The following NOL4L variants were observed in gnomAD, a reference collection of about 807,000 sequenced individuals.
NOL4L encodes nucleolar protein 4-like.
In NOL4L, 7 loss-of-function variants were observed where a neutral mutation model predicts 64.5. That is an observed-to-expected ratio of 0.11 (90% CI 0.06 to 0.20). The LOEUF (loss-of-function observed/expected upper bound fraction) is 0.20, where lower values mean the gene tolerates loss of function less well. Ranked by LOEUF, NOL4L falls within the 10% of genes least tolerant of loss-of-function variation. NOL4L has a pLI of 1.00. For missense variants in NOL4L, 680 were observed against 967.1 expected, an observed-to-expected ratio of 0.70 and a Z score of 3.94; for synonymous variants, 413 against 401.0, an observed-to-expected ratio of 1.03 and a Z score of -0.36.
intron 9 of NOL4L, 78 bp from the exon 10 acceptor site, chr20:32,452,515 T>C: frequency 7.6e-7 from 1 of 1,316,118 alleles, no homozygotes; most frequent in South Asian, 1.5e-5. Flanking sequence ...ACAAGGTGGA[T>C]AAATGCTGCG....
intron 4 of NOL4L, among the ~76,000 whole-genome samples, chr20:32,508,877 C>T (rs561903415): frequency 6.6e-6 from 1 of 152,240 alleles, no homozygotes; most frequent in Non-Finnish European, 1.5e-5. Flanking sequence ...TGCTTTCCCC[C>T]TTTTGCTTCG....
At chr20:32,511,498 G>A in intron 3 of NOL4L, 42 bp from the exon 4 acceptor site, 1 of 1,406,236 alleles carries the variant, frequency 7.1e-7, no homozygotes, top group Non-Finnish European at 9.8e-7. Context: ...AGTCTGTGCT[G>A]CGGGCCTGTT....
chr20:32,511,199 CG>C, intron 4 of NOL4L, 147 bp downstream of exon 4: 1 of 575,818 alleles, frequency 1.7e-6, no homozygotes, highest in East Asian at 2.9e-5. Flanking sequence ...CCCGCCTCTC[CG>C]CCTGGACAAC....
At position 32,585,008 on chromosome 20, in the gene NOL4L, G is replaced by T; in HGVS notation, c.-118C>A. The T allele has an allele frequency of 2.0e-6, 1 of 504,774 alleles. No individual in the cohort carries two copies. The highest frequency in any genetic ancestry group is 2.6e-6 in the Non-Finnish European group (1 of 392,100). The allele number at this position is 504,774 out of a possible 1,614,324, so 31.3% of individuals were successfully genotyped here. On this transcript the variant is annotated 5_prime_UTR_variant, in exon 1 of 11. Coordinates refer to ENST00000621426, the MANE Select transcript of NOL4L (RefSeq NM_001256798.2). ...CGCGCCGCGGCCGCGTCTGTCCCGC[G>T]GTGTGGCTCCGGCGAGGCTGCTGGA... is the stretch of plus-strand genomic sequence containing the variant.
intron 4 of NOL4L, among the ~76,000 whole-genome samples, chr20:32,479,958 T>C (rs1343400422): frequency 6.6e-6 from 1 of 152,208 alleles, no homozygotes; most frequent in African/African-American, 2.4e-5. Flanking sequence ...ACCCAGCTTC[T>C]GAGGCCCTTC....
chr20:32,567,987 CCAT>C (rs975219459), intron 1 of NOL4L, among the ~76,000 whole-genome samples: 37 of 151,830 alleles, frequency 2.4e-4, no homozygotes, highest in African/African-American at 6.8e-4. Flanking sequence ...ATCATCGTCA[CCAT>C]CATCACCATA....
At chr20:32,572,996 C>G (rs1979853736) in intron 1 of NOL4L, among the ~76,000 whole-genome samples, 1 of 152,158 alleles carries the variant, frequency 6.6e-6, no homozygotes, top group Non-Finnish European at 1.5e-5. Context: ...CTTCAGCTCC[C>G]CAAGGCAGCT....
At chr20:32,484,477 C>A (rs940944724) in intron 4 of NOL4L, among the ~76,000 whole-genome samples, 1 of 152,206 alleles carries the variant, frequency 6.6e-6, no homozygotes, top group South Asian at 2.1e-4. Flanking sequence ...TAGTTTACAC[C>A]CCCTCCGCCC....
intron 4 of NOL4L, among the ~76,000 whole-genome samples, chr20:32,478,297 A>G (rs1391217122): frequency 6.7e-6 from 1 of 149,386 alleles, no homozygotes; most frequent in East Asian, 1.9e-4. Context: ...TCTCTCATGC[A>G]TGCTCACTTT....
At chr20:32,490,144 A>AAAAAAAAAAAAAAAAAC (rs543768294) in intron 4 of NOL4L, among the ~76,000 whole-genome samples, 1 of 122,208 alleles carries the variant, frequency 8.2e-6, no homozygotes, top group Non-Finnish European at 1.6e-5. Flanking sequence ...AAAAAAAAAA[A>AAAAAAAAAAAAAAAAAC]ATATATATAC....
At position 32,491,822 on chromosome 20, in the gene NOL4L, G is replaced by A. The variant is rs556966404; in HGVS notation, c.700-17080C>T. On this transcript the variant is annotated intron_variant, in intron 4 of 10. Coordinates refer to ENST00000621426, the MANE Select transcript of NOL4L (RefSeq NM_001256798.2). Reference sequence around the variant, plus strand: ...AAAATGAACACAGATGTTCCCTAAAGAACACACAGTAGGCTGGGCATGGTG... The same window carrying A: ...AAAATGAACACAGATGTTCCCTAAAAAACACACAGTAGGCTGGGCATGGTG... Among the ~76,000 whole-genome samples, 3 of 152,276 alleles carry A rather than the reference G, an allele frequency of 2.0e-5. No individual in the cohort carries two copies. The South Asian group carries it at 6.2e-4, about 32-fold the overall frequency.
chr20:32,532,631 C>A (rs1186912643), intron 1 of NOL4L, among the ~76,000 whole-genome samples: 1 of 152,174 alleles, frequency 6.6e-6, no homozygotes, highest in African/African-American at 2.4e-5. Context: ...CCCCTGCCAT[C>A]CCCCTTCTGC....
intron 5 of NOL4L, 86 bp from the exon 6 acceptor site, chr20:32,456,481 C>G: frequency 7.7e-7 from 1 of 1,290,992 alleles, no homozygotes; most frequent in Non-Finnish European, 1.0e-6. Flanking sequence ...CTGTGTCCTC[C>G]TCATGAGTGT....
At chr20:32,567,942 T>C (rs1021216079) in intron 1 of NOL4L, among the ~76,000 whole-genome samples, 1 of 150,752 alleles carries the variant, frequency 6.6e-6, no homozygotes. Context: ...ATCATCACCA[T>C]CACCATCATC....
chr20:32,522,294 G>A (rs1383363698), intron 2 of NOL4L, among the ~76,000 whole-genome samples: 1 of 152,352 alleles, frequency 6.6e-6, no homozygotes, highest in East Asian at 1.9e-4. Flanking sequence ...CTGTGGAGCA[G>A]GCAGGCTCCT....
chr20:32,471,933 T>C (rs1311577861), intron 5 of NOL4L, among the ~76,000 whole-genome samples: 3 of 152,192 alleles, frequency 2.0e-5, no homozygotes, highest in Non-Finnish European at 4.4e-5. Context: ...GCCATGCCTG[T>C]ACAGCCTGTG....
intron 1 of NOL4L, among the ~76,000 whole-genome samples, chr20:32,551,609 C>T (rs2018803637): frequency 6.6e-6 from 1 of 151,872 alleles, no homozygotes; most frequent in Non-Finnish European, 1.5e-5. Context: ...CCAGAAAAGG[C>T]CAATCTAAAG....
intron 1 of NOL4L, among the ~76,000 whole-genome samples, chr20:32,531,469 C>T (rs571863917): frequency 3.5e-4 from 53 of 151,852 alleles, no homozygotes; most frequent in Non-Finnish European, 6.2e-4. Context: ...TCTCCTGCCT[C>T]GGCCTCCCAA....
intron 1 of NOL4L, among the ~76,000 whole-genome samples, chr20:32,545,985 G>A (rs1398405692): frequency 7.6e-6 from 1 of 131,140 alleles, no homozygotes; most frequent in African/African-American, 2.9e-5. Flanking sequence ...GTCTTGCTCT[G>A]TCGCCCAGGC....
Sources: gnomAD v4.1 joint callset for allele counts (sites outside exome capture counted in the v4.1 genomes callset) on GRCh38, gnomAD v4.1.1 for gene constraint, MANE v1.5 for transcripts, NCBI Gene and HGNC (gene_info 2026-07-23, HGNC 2026-07-21) for gene names.